The following PI4K2A variants were observed in gnomAD, a reference collection of about 807,000 sequenced individuals.
PI4K2A encodes the protein phosphatidylinositol 4-kinase type 2 alpha, also known as phosphatidylinositol 4-kinase type 2-alpha.
PI4K2A carries 20 observed loss-of-function variants against 55.0 expected under a neutral mutation model. The observed-to-expected ratio is 0.36, with a 90% confidence interval of 0.26 to 0.53. The LOEUF (loss-of-function observed/expected upper bound fraction) is 0.53, where lower values mean the gene tolerates loss of function less well. PI4K2A is among the 20% of genes least tolerant of loss of function. The pLI is 0.91. For missense variants in PI4K2A, 463 were observed against 637.1 expected (o/e 0.73, Z 2.94); for synonymous variants, 235 against 258.5 (o/e 0.91, Z 0.87).
chr10:97,672,746 T>TTTTTTTTC (rs2041642699), intron 8 of PI4K2A, among the ~76,000 whole-genome samples: 1 of 143,712 alleles, frequency 7.0e-6, no homozygotes, highest in Admixed American at 7.0e-5. Flanking sequence ...TTTTTTTTTT[T>TTTTTTTTC]TTTGAGACAG....
At chr10:97,654,984 T>C (rs184068181) in intron 2 of PI4K2A, among the ~76,000 whole-genome samples, 2 of 152,282 alleles carry the variant, frequency 1.3e-5, no homozygotes, top group Non-Finnish European at 1.5e-5. Context: ...AGGATTACAG[T>C]GTATAGCCTA....
rs780447037 is a variant in PI4K2A at position 97,666,429 on chromosome 10, T to G, written c.1085-9T>G. On this transcript the variant is annotated splice_polypyrimidine_tract_variant and intron_variant, in intron 6 of 8. Coordinates refer to ENST00000370631, the Ensembl canonical transcript of PI4K2A. ...CACCAGCTTTGCCTTTGACTTTTCCTCTTTTCAGATCCTTTTTACTGGGCC... is the reference window on the plus strand; with the variant it reads ...CACCAGCTTTGCCTTTGACTTTTCCGCTTTTCAGATCCTTTTTACTGGGCC... The G allele has an allele frequency of 6.2e-6, 10 of 1,610,920 alleles. No individual in the cohort carries two copies. In the East Asian group the frequency reaches 2.2e-4, roughly 36 times the overall value.
chr10:97,666,189 C>T (rs776180601), intron 6 of PI4K2A, among the ~76,000 whole-genome samples: 12 of 152,244 alleles, frequency 7.9e-5, no homozygotes, highest in Admixed American at 2.6e-4. Context: ...GCTTCTAGAC[C>T]TTGCATCTTG....
Position 97,664,992 on chromosome 10 carries a change from TCCAGACAATG to T in PI4K2A, c.1084+9_1084+18del. ...CTGACTCCTGGAGGGCATGTAAGTC[TCCAGACAATG>T]GTGGTCTGGCTCTTCCCTTGCTCAG... On this transcript the variant is annotated intron_variant, in intron 6 of 8. Transcript: ENST00000370631. 1 of 1,565,224 alleles carries T rather than the reference TCCAGACAATG, an allele frequency of 6.4e-7. No individual in the cohort carries two copies. Among genetic ancestry groups the T allele is most frequent in the Non-Finnish European group, 8.8e-7 (1 of 1,135,726 alleles).
intron 2 of PI4K2A, among the ~76,000 whole-genome samples, chr10:97,654,009 C>T (rs1470050304): frequency 1.3e-5 from 2 of 152,200 alleles, no homozygotes; most frequent in Non-Finnish European, 2.9e-5. Flanking sequence ...AAGAGGACTC[C>T]TCTCCCTGTC....
chr10:97,666,347 C>T (rs1207047272), intron 6 of PI4K2A, 91 bp from the exon 7 acceptor site: 1 of 1,165,136 alleles, frequency 8.6e-7, no homozygotes, highest in East Asian at 2.4e-5. Context: ...AAGAGGGGTT[C>T]TCCTTTAGAA....
intron 1 of PI4K2A, among the ~76,000 whole-genome samples, chr10:97,642,869 C>T (rs1438851231): frequency 5.4e-5 from 5 of 93,366 alleles, no homozygotes; most frequent in Admixed American, 1.1e-4. Flanking sequence ...CTTTCTTTTT[C>T]TTTCTTTCTT....
At chr10:97,653,701 C>T (rs1269295357) in intron 2 of PI4K2A, among the ~76,000 whole-genome samples, 4 of 152,274 alleles carry the variant, frequency 2.6e-5, no homozygotes, top group African/African-American at 7.2e-5. Flanking sequence ...TGGATCACCT[C>T]AGGTCAGGAG....
At chr10:97,661,458 T>G (rs1397243588) in intron 4 of PI4K2A, among the ~76,000 whole-genome samples, 1 of 152,182 alleles carries the variant, frequency 6.6e-6, no homozygotes, top group Non-Finnish European at 1.5e-5. Context: ...AAAAAGATTT[T>G]TATAATTGGC....
At position 97,640,784 on chromosome 10, in the gene PI4K2A, A is replaced by ACC; in HGVS notation, c.46_47dup (p.Asp17ArgfsTer198). On this transcript the variant is annotated frameshift_variant, in exon 1 of 9. Transcript: ENST00000370631. LOFTEE classifies it high-confidence loss of function. ...CACTAGTGTCCCCCGAGCGGGCCCAACCCCCGGACTACACCTTCCCGTCGG... is the reference window on the plus strand; with the variant it reads ...CACTAGTGTCCCCCGAGCGGGCCCAACCCCCCCGGACTACACCTTCCCGTCGG... 1 of 1,492,814 alleles carries ACC rather than the reference A, an allele frequency of 6.7e-7. No individual in the cohort carries two copies. Among genetic ancestry groups the ACC allele is most frequent in the Non-Finnish European group, 8.9e-7 (1 of 1,119,592 alleles). The allele number at this position is 1,492,814 out of a possible 1,614,324, so 92.5% of individuals were successfully genotyped here.
chr10:97,645,476 C>T (rs531077599), intron 1 of PI4K2A, among the ~76,000 whole-genome samples: 107 of 151,424 alleles, frequency 7.1e-4, no homozygotes, highest in Non-Finnish European at 1.0e-3. Flanking sequence ...GGCGTGGTGG[C>T]GGGCACCTGT....
intron 4 of PI4K2A, among the ~76,000 whole-genome samples, chr10:97,657,626 C>T (rs1325865682): frequency 6.6e-6 from 1 of 151,302 alleles, no homozygotes; most frequent in East Asian, 1.9e-4. Context: ...CAGAATTGCA[C>T]CACTGCACTC....
At chr10:97,672,356 T>G (rs1018017046) in intron 8 of PI4K2A, among the ~76,000 whole-genome samples, 4 of 152,126 alleles carry the variant, frequency 2.6e-5, no homozygotes, top group African/African-American at 9.7e-5. Flanking sequence ...CCACCTATAA[T>G]TTCTTGAGAC....
intron 6 of PI4K2A, among the ~76,000 whole-genome samples, chr10:97,665,338 G>A (rs1259527023): frequency 3.9e-5 from 6 of 151,912 alleles, no homozygotes; most frequent in Admixed American, 1.3e-4. Context: ...GCAATGGTGC[G>A]ATCTGGGCCC....
chr10:97,658,899 C>T (rs1208002544), intron 4 of PI4K2A, among the ~76,000 whole-genome samples: 1 of 152,066 alleles, frequency 6.6e-6, no homozygotes, highest in African/African-American at 2.4e-5. Context: ...TATTTAAGTC[C>T]TTTGCCTATT....
rs562362326 is a variant in PI4K2A, at chr10:97,664,335, AC to A, written c.985-549del. Among the ~76,000 whole-genome samples the A allele has an allele frequency of 8.5e-4, 129 of 152,194 alleles. 1 individual carries two copies. The highest frequency in any genetic ancestry group is 3.4e-3 in the Middle Eastern group (1 of 294). On this transcript the variant is annotated intron_variant, in intron 5 of 8. Coordinates refer to ENST00000370631, the Ensembl canonical transcript of PI4K2A. ...ATGGGCTGTCACAGGTGACATGCCC[AC>A]TCTTTTTACATTCATCTCTTGTCCT... is the stretch of plus-strand genomic sequence containing the variant.
intron 6 of PI4K2A, among the ~76,000 whole-genome samples, chr10:97,665,733 C>T (rs2041606859): frequency 1.3e-5 from 2 of 152,140 alleles, no homozygotes; most frequent in South Asian, 4.2e-4. Flanking sequence ...GCTGGGACTA[C>T]AGGCACCCGC....
At chr10:97,667,026 C>T in intron 7 of PI4K2A, 35 bp from the exon 8 acceptor site, 2 of 1,577,858 alleles carry the variant, frequency 1.3e-6, no homozygotes, top group Non-Finnish European at 1.7e-6. Flanking sequence ...GAGGCATTCA[C>T]ACAGGTTCCA....
At chr10:97,659,354 A>G (rs1359592435) in intron 4 of PI4K2A, among the ~76,000 whole-genome samples, 1 of 151,850 alleles carries the variant, frequency 6.6e-6, no homozygotes, top group East Asian at 1.9e-4. Context: ...TTTTTTGTGG[A>G]TTGACTTTGT....
Sources: gnomAD v4.1 joint callset for allele counts (sites outside exome capture counted in the v4.1 genomes callset) on GRCh38, gnomAD v4.1.1 for gene constraint, MANE v1.5 for transcripts, NCBI Gene and HGNC (gene_info 2026-07-23, HGNC 2026-07-21) for gene names.